Variants in PABIR1 observed in about 807,000 individuals in gnomAD.
The protein encoded by PABIR1 is PP2A Aalpha (PPP2R1A) and B55A (PPP2R2A) interacting phosphatase regulator 1.
A neutral mutation model predicts 14.6 loss-of-function variants in PABIR1; 2 were observed. That is an observed-to-expected ratio of 0.14 (90% CI 0.06 to 0.43). PABIR1 has a LOEUF of 0.43. PABIR1 is among the 20% of genes least tolerant of loss of function. The pLI is 0.99. For synonymous variants in PABIR1, 163 were observed against 155.4 expected (o/e 1.05, Z -0.36); for missense variants, 294 against 379.0 (o/e 0.78, Z 1.86).
rs990715744 is a variant in PABIR1 at position 68,784,100 on chromosome 9, T to G, written c.*3072T>G. ...CATTATTTCTGTAAGCTTATTCTTC[T>G]ATATAGATGGGAAGTTTTTAAATCA... On this transcript the variant is annotated 3_prime_UTR_variant, in exon 1 of 1. Transcript: ENST00000394264. The G allele has an allele frequency of 5.4e-5, 9 of 167,126 alleles. No homozygotes were observed. Among genetic ancestry groups the G allele is most frequent in the African/African-American group, 2.2e-4 (9 of 41,458 alleles). 10.4% of individuals were successfully genotyped at this position (167,126 alleles called of 1,614,324 possible). A position where few individuals can be genotyped will look rare whatever the true frequency, so the allele number is the denominator to read the frequency against.
rs1225292659 is a variant in PABIR1, at chr9:68,781,616, G to T, written c.*588G>T. ...AATGATTAAAGAACAAATTATAAAA[G>T]TTTGAACAAATCTTTTCAAATTAAG... On this transcript the variant is annotated 3_prime_UTR_variant, in exon 1 of 1. Transcript: ENST00000394264. 6.0e-6 allele frequency: 1 copy of T among 166,554 alleles called. No individual in the cohort carries two copies. Among genetic ancestry groups the T allele is most frequent in the Non-Finnish European group, 1.5e-5 (1 of 68,060 alleles). 10.3% of individuals were successfully genotyped at this position (166,554 alleles called of 1,614,324 possible).
Position 68,782,527 on chromosome 9 carries a change from A to G in PABIR1, c.*1499A>G, listed in dbSNP as rs1831352230. 2 of 167,118 alleles carry G rather than the reference A, an allele frequency of 1.2e-5. No homozygotes were observed. Among genetic ancestry groups the G allele is most frequent in the African/African-American group, 4.8e-5 (2 of 41,458 alleles). The allele number at this position is 167,118 out of a possible 1,614,324, so 10.4% of individuals were successfully genotyped here. A position where few individuals can be genotyped will look rare whatever the true frequency, so the allele number is the denominator to read the frequency against. ...GGGAAAAATGACTCAGAACAAGACAAAAGCTCTGACTGTTTAAAGTTATCG... is the reference window on the plus strand; with the variant it reads ...GGGAAAAATGACTCAGAACAAGACAGAAGCTCTGACTGTTTAAAGTTATCG... On this transcript the variant is annotated 3_prime_UTR_variant, in exon 1 of 1. Coordinates refer to ENST00000394264, the MANE Select transcript of PABIR1 (RefSeq NM_138333.5).
rs774073176 is a variant in PABIR1, at chr9:68,784,157, C to T, written c.*3129C>T. Reference sequence around the variant, plus strand: ...GTTCTAAGGGCATGTGGACAATTTACGTTATCATAGTATTGTTCATAACGT... The same window carrying T: ...GTTCTAAGGGCATGTGGACAATTTATGTTATCATAGTATTGTTCATAACGT... On this transcript the variant is annotated 3_prime_UTR_variant, in exon 1 of 1. Transcript: ENST00000394264. 26 of 167,098 alleles carry T rather than the reference C, an allele frequency of 1.6e-4. 1 individual carries two copies. Among genetic ancestry groups the T allele is most frequent in the Admixed American group, 9.8e-4 (15 of 15,290 alleles). 10.4% of individuals were successfully genotyped at this position (167,098 alleles called of 1,614,324 possible).
chr9:68,780,515 G>C lies in PABIR1; in HGVS notation c.351G>C (p.Trp117Cys). 1 of 1,614,196 alleles carries C rather than the reference G, an allele frequency of 6.2e-7. No homozygotes were observed. Among genetic ancestry groups the C allele is most frequent in the Non-Finnish European group, 8.5e-7 (1 of 1,180,038 alleles). ...CCGCAATGCAGATAAGCCACTCCTGGGAGGAAAGTTTCAGCCTGAGTGACA... is the reference window on the plus strand; with the variant it reads ...CCGCAATGCAGATAAGCCACTCCTGCGAGGAAAGTTTCAGCCTGAGTGACA... Reference protein sequence around the residue: ...VQTAMQISHSWEESFSLSDND... With the variant: ...VQTAMQISHSCEESFSLSDND... The change falls in exon 1 of 1, where the codon TGG becomes TGC. Residue 117 changes from tryptophan to cysteine, a missense_variant. Physicochemically the swap from Trp to Cys is radical, Grantham distance 215. This residue lies in a region of PABIR1 where 103 missense variants were observed against 175.9 expected (regional missense o/e 0.59). Transcript: ENST00000394264.
Position 68,781,492 on chromosome 9 carries a change from TAAAAAA to T in PABIR1, c.*466_*471del, listed in dbSNP as rs1352284845. ...CCATTTGATGAAGAACTATACAGCT[TAAAAAA>T]ATACGTTAGTTATATCTATCTAGTG... On this transcript the variant is annotated 3_prime_UTR_variant, in exon 1 of 1. Transcript: ENST00000394264. The T allele has an allele frequency of 5.9e-6, 1 of 170,028 alleles. No individual in the cohort carries two copies. Among genetic ancestry groups the T allele is most frequent in the African/African-American group, 2.4e-5 (1 of 41,462 alleles). 10.5% of individuals were successfully genotyped at this position (170,028 alleles called of 1,614,324 possible).
At position 68,781,510 on chromosome 9, in the gene PABIR1, A is replaced by T; in HGVS notation, c.*482A>T. The T allele has an allele frequency of 5.9e-6, 1 of 169,226 alleles. No homozygotes were observed. The allele number at this position is 169,226 out of a possible 1,614,324, so 10.5% of individuals were successfully genotyped here. On this transcript the variant is annotated 3_prime_UTR_variant, in exon 1 of 1. Coordinates refer to ENST00000394264, the MANE Select transcript of PABIR1 (RefSeq NM_138333.5). The stretch of plus-strand genomic sequence containing the variant: ...TACAGCTTAAAAAAATACGTTAGTT[A>T]TATCTATCTAGTGGTTGTCTGTTTT...
rs748828942 is a variant in PABIR1, at chr9:68,780,860, G to T, written c.696G>T (p.Leu232=). 4.8e-5 allele frequency: 77 copies of T among 1,614,252 alleles called. 2 individuals carry two copies. The South Asian group carries it at 7.7e-4, about 16-fold the overall frequency. ...TNMLSSDVAQ[L]SDPGVCVSSD... ...TGCTTTCTTCTGACGTTGCACAGCT[G>T]TCAGATCCTGGTGTGTGTGTATCTT... Residue 232 remains leucine (L), a synonymous_variant, in exon 1 of 1, where the codon CTG becomes CTT. Transcript: ENST00000394264.
rs906870128 is a variant in PABIR1 at position 68,781,584 on chromosome 9, G to A, written c.*556G>A. ...GTTTTCTGGGTACTGAAGTGGATGG[G>A]AGGGGGAATGATTAAAGAACAAATT... On this transcript the variant is annotated 3_prime_UTR_variant, in exon 1 of 1. Transcript: ENST00000394264. 1.9e-4 allele frequency: 31 copies of A among 166,864 alleles called. No homozygotes were observed. The highest frequency in any genetic ancestry group is 3.2e-4 in the Non-Finnish European group (22 of 68,148). The allele number at this position is 166,864 out of a possible 1,614,324, so 10.3% of individuals were successfully genotyped here.
At position 68,783,786 on chromosome 9, in the gene PABIR1, C is replaced by CA; in HGVS notation, c.*2759dup. On this transcript the variant is annotated 3_prime_UTR_variant, in exon 1 of 1. Transcript: ENST00000394264. ...TCCTAACTCCCACTTGTGCTCCTCA[C>CA]ACTCACTCTGGTCGGCTATCCATTC... 1 of 167,180 alleles carries CA rather than the reference C, an allele frequency of 6.0e-6. No homozygotes were observed. Among genetic ancestry groups the CA allele is most frequent in the East Asian group, 1.9e-4 (1 of 5,190 alleles). The allele number at this position is 167,180 out of a possible 1,614,324, so 10.4% of individuals were successfully genotyped here.
Position 68,781,044 on chromosome 9 carries a change from A to C in PABIR1, c.*16A>C, listed in dbSNP as rs373747727. ...GTCTAAGTGATTCACTCATCCTGAG[A>C]CTTTCTTTTTGCAGTGGAGAGAGAG... On this transcript the variant is annotated 3_prime_UTR_variant, in exon 1 of 1. Transcript: ENST00000394264. 1 of 1,602,716 alleles carries C rather than the reference A, an allele frequency of 6.2e-7. No individual in the cohort carries two copies. The highest frequency in any genetic ancestry group is 8.5e-7 in the Non-Finnish European group (1 of 1,172,786).
Position 68,780,310 on chromosome 9 carries a change from C to G in PABIR1, c.146C>G (p.Pro49Arg). Residue 49 changes from proline to arginine, a missense_variant, in exon 1 of 1, where the codon CCG (proline) becomes CGG (arginine). By Grantham distance (103) the Pro-to-Arg change is moderately radical. This residue lies in a region of PABIR1 where 96 missense variants were observed against 102.2 expected (regional missense o/e 0.94). Coordinates refer to ENST00000394264, the MANE Select transcript of PABIR1 (RefSeq NM_138333.5). The part of the protein sequence containing the change: ...PLIHGLSDTS[P>R]VFQAEAPSAR... The stretch of plus-strand genomic sequence containing the variant: ...ATCCACGGCCTCAGTGACACTTCGC[C>G]GGTGTTCCAGGCCGAGGCGCCGAGC... The G allele has an allele frequency of 1.2e-6, 2 of 1,601,178 alleles. No homozygotes were observed. The highest frequency in any genetic ancestry group is 2.2e-5 in the South Asian group (2 of 89,740).
At position 68,785,235 on chromosome 9, in the gene PABIR1, G is replaced by A. The variant is rs1014734348; in HGVS notation, c.*4207G>A. Among the ~76,000 whole-genome samples, 3 of 152,158 alleles carry A rather than the reference G, an allele frequency of 2.0e-5. No individual in the cohort carries two copies. Among genetic ancestry groups the A allele is most frequent in the East Asian group, 1.9e-4 (1 of 5,198 alleles). ...TTTGAATGATTGGCTGAGGCATTGA[G>A]GATAAGAGAAGGGAGCAGAGGCTTA... On this transcript the variant is annotated 3_prime_UTR_variant, in exon 1 of 1. Transcript: ENST00000394264.
rs746862768 is a variant in PABIR1 at position 68,780,980 on chromosome 9, C to G, written c.816C>G (p.Ala272=). ...STTTDSPVSP[A]QAASPFIPLD... is the part of the protein sequence containing the mutation. Reference sequence around the variant, plus strand: ...CCACCGACTCTCCTGTGTCACCTGCCCAAGCGGCTTCTCCATTTATTCCAC... The same window carrying G: ...CCACCGACTCTCCTGTGTCACCTGCGCAAGCGGCTTCTCCATTTATTCCAC... Residue 272 remains alanine, a synonymous_variant, in exon 1 of 1, where the codon GCC becomes GCG. Transcript: ENST00000394264. 1 of 1,614,166 alleles carries G rather than the reference C, an allele frequency of 6.2e-7. No individual in the cohort carries two copies.
rs1831391852 is a variant in PABIR1 at position 68,783,088 on chromosome 9, C to T, written c.*2060C>T. The stretch of plus-strand genomic sequence containing the variant: ...TCCTTTTGGTTCAGTCTTTATACTG[C>T]CTCTTGAGTAATCTTTCTGAAATTT... On this transcript the variant is annotated 3_prime_UTR_variant, in exon 1 of 1. Coordinates refer to ENST00000394264, the MANE Select transcript of PABIR1 (RefSeq NM_138333.5). 6.0e-6 allele frequency: 1 copy of T among 167,004 alleles called. No individual in the cohort carries two copies. Among genetic ancestry groups the T allele is most frequent in the Non-Finnish European group, 1.5e-5 (1 of 68,112 alleles). The allele number at this position is 167,004 out of a possible 1,614,324, so 10.3% of individuals were successfully genotyped here. A position where few individuals can be genotyped will look rare whatever the true frequency, so the allele number is the denominator to read the frequency against.
Position 68,781,167 on chromosome 9 carries a change from T to C in PABIR1, c.*139T>C, listed in dbSNP as rs1399914166. The C allele has an allele frequency of 8.6e-6, 10 of 1,162,826 alleles. No homozygotes were observed. Among genetic ancestry groups the C allele is most frequent in the Non-Finnish European group, 1.2e-5 (10 of 819,748 alleles). 72.0% of individuals were successfully genotyped at this position (1,162,826 alleles called of 1,614,324 possible). A position where few individuals can be genotyped will look rare whatever the true frequency, so the allele number is the denominator to read the frequency against. On this transcript the variant is annotated 3_prime_UTR_variant, in exon 1 of 1. Transcript: ENST00000394264. ...TTTTTGAAATTCCCTGAAATGATGT[T>C]ATTCTAGAGAACTTCTATGTCAGGT...
Position 68,784,886 on chromosome 9 carries a change from G to A in PABIR1, c.*3858G>A, listed in dbSNP as rs1048817729. Among the ~76,000 whole-genome samples, 6 of 152,284 alleles carry A rather than the reference G, an allele frequency of 3.9e-5. No individual in the cohort carries two copies. Among genetic ancestry groups the A allele is most frequent in the African/African-American group, 1.4e-4 (6 of 41,550 alleles). On this transcript the variant is annotated 3_prime_UTR_variant, in exon 1 of 1. Transcript: ENST00000394264. ...GATTTGTTGTTGCAGGGGTTTAGGAGTATGGAGGTAGGTATATGAAAAGTA... is the reference window on the plus strand; with the variant it reads ...GATTTGTTGTTGCAGGGGTTTAGGAATATGGAGGTAGGTATATGAAAAGTA...
chr9:68,781,121 T>A lies in PABIR1; in HGVS notation c.*93T>A. On this transcript the variant is annotated 3_prime_UTR_variant, in exon 1 of 1. Coordinates refer to ENST00000394264, the MANE Select transcript of PABIR1 (RefSeq NM_138333.5). ...ACTTTGTCAATTAATTTGAGGCTAT[T>A]TCCTATTTGACCCCTTTTCTTTTTT... is the stretch of plus-strand genomic sequence containing the variant. The A allele has an allele frequency of 6.8e-7, 1 of 1,473,040 alleles. No individual in the cohort carries two copies. The allele number at this position is 1,473,040 out of a possible 1,614,324, so 91.2% of individuals were successfully genotyped here. A position where few individuals can be genotyped will look rare whatever the true frequency, so the allele number is the denominator to read the frequency against.
At position 68,782,466 on chromosome 9, in the gene PABIR1, T is replaced by G. The variant is rs1245978998; in HGVS notation, c.*1438T>G. ...ACCTCACATATCTTCCTTAACTAGA[T>G]AGTTTGACAGAAAGAATGGCATACA... On this transcript the variant is annotated 3_prime_UTR_variant, in exon 1 of 1. Transcript: ENST00000394264. The G allele has an allele frequency of 2.4e-5, 4 of 166,958 alleles. No individual in the cohort carries two copies. Among genetic ancestry groups the G allele is most frequent in the African/African-American group, 9.7e-5 (4 of 41,426 alleles). The allele number at this position is 166,958 out of a possible 1,614,324, so 10.3% of individuals were successfully genotyped here.
In PABIR1 at chr9:68,782,791, A is replaced by G. The variant is rs1307756705; in HGVS notation, c.*1763A>G. On this transcript the variant is annotated 3_prime_UTR_variant, in exon 1 of 1. Coordinates refer to ENST00000394264, the MANE Select transcript of PABIR1 (RefSeq NM_138333.5). ...TTGTTGGGTAACTTGCCCTGCCTCC[A>G]GAGGTATTTGAACTTCATTATCTTC... 1 of 167,144 alleles carries G rather than the reference A, an allele frequency of 6.0e-6. No homozygotes were observed. The highest frequency in any genetic ancestry group is 1.9e-4 in the East Asian group (1 of 5,206). The allele number at this position is 167,144 out of a possible 1,614,324, so 10.4% of individuals were successfully genotyped here. A position where few individuals can be genotyped will look rare whatever the true frequency, so the allele number is the denominator to read the frequency against.
Sources: allele counts gnomAD v4.1 joint callset (sites outside exome capture counted in the v4.1 genomes callset), GRCh38; gene constraint gnomAD v4.1.1; regional missense constraint gnomAD v4.1.1; transcripts MANE v1.5; gene names NCBI Gene and HGNC (gene_info 2026-07-23, HGNC 2026-07-21).